The following IL1R1 variants were observed in gnomAD, a reference collection of about 807,000 sequenced individuals.
IL1R1 encodes the protein interleukin 1 receptor type 1.
Under a neutral mutation model 50.2 loss-of-function variants are expected in IL1R1, and 22 were observed. That is an observed-to-expected ratio of 0.44 (90% confidence interval 0.31 to 0.63). The LOEUF (loss-of-function observed/expected upper bound fraction) is 0.63. IL1R1 is among the 20% of genes least tolerant of loss of function. The probability of loss-of-function intolerance (pLI) is 0.07; values close to 1 mark genes in which losing one functional copy is unlikely to be tolerated. For missense variants in IL1R1, 509 were observed against 676.2 expected, an observed-to-expected ratio of 0.75 and a Z score of 2.74; for synonymous variants, 251 against 236.7, an observed-to-expected ratio of 1.06 and a Z score of -0.55.
intron 1 of IL1R1, among the ~76,000 whole-genome samples, chr2:102,122,266 A>G (rs1317076304): frequency 6.6e-6 from 1 of 152,210 alleles, no homozygotes; most frequent in East Asian, 1.9e-4. Flanking sequence ...ATAAGGCAGA[A>G]TTGCATTCCA....
intron 2 of IL1R1, among the ~76,000 whole-genome samples, chr2:102,156,842 G>A (rs1445313783): frequency 6.6e-6 from 1 of 152,124 alleles, no homozygotes; most frequent in Non-Finnish European, 1.5e-5. Flanking sequence ...ACATTTTCCA[G>A]CTAATATTTA....
At chr2:102,138,037 A>G (rs1031825192), upstream of IL1R1, among the ~76,000 whole-genome samples, 1 of 152,170 alleles carries the variant, frequency 6.6e-6, no homozygotes, top group Admixed American at 6.5e-5. Context: ...AAGTTTAAAA[A>G]GGGTTGTATT....
intron 1 of IL1R1, among the ~76,000 whole-genome samples, chr2:102,110,946 G>A (rs895612007): frequency 1.3e-5 from 2 of 152,134 alleles, no homozygotes; most frequent in African/African-American, 4.8e-5. Flanking sequence ...GATTGGGACG[G>A]CTCGAGGTGG....
chr2:102,142,372 A>G (rs550134523), upstream of IL1R1: 1 of 152,214 alleles, frequency 6.6e-6, no homozygotes, highest in Admixed American at 6.5e-5. Flanking sequence ...TTGCTTCGGG[A>G]TCTGATGCCC....
At chr2:102,163,810 G>C (rs1034167884) in intron 3 of IL1R1, among the ~76,000 whole-genome samples, 2 of 152,044 alleles carry the variant, frequency 1.3e-5, no homozygotes, top group Non-Finnish European at 2.9e-5. Context: ...TTGGGTGCTG[G>C]ATATTTTCGT....
At chr2:102,142,484 G>T (rs549120913), upstream of IL1R1, 3 of 152,170 alleles carry the variant, frequency 2.0e-5, no homozygotes, top group Non-Finnish European at 4.4e-5. Flanking sequence ...CTCTAGTGGA[G>T]CCGCCGCAGC....
At chr2:102,086,713 T>C (rs1248422890) in intron 1 of IL1R1, among the ~76,000 whole-genome samples, 1 of 152,228 alleles carries the variant, frequency 6.6e-6, no homozygotes, top group Non-Finnish European at 1.5e-5. Context: ...TTCTCGTTAC[T>C]GTTCTTTCCA....
intron 1 of IL1R1, among the ~76,000 whole-genome samples, chr2:102,095,434 A>T (rs1221286531): frequency 6.6e-6 from 1 of 152,244 alleles, no homozygotes; most frequent in Non-Finnish European, 1.5e-5. Context: ...GACATTGATT[A>T]CTTAAAAATT....
chr2:102,154,833 C>G (rs3917335), intron 2 of IL1R1, among the ~76,000 whole-genome samples: 1 of 152,236 alleles, frequency 6.6e-6, no homozygotes, highest in Non-Finnish European at 1.5e-5. Flanking sequence ...GTTGTGGGAA[C>G]TTATGGCTTC....
At chr2:102,089,442 C>T (rs1679565011) in intron 1 of IL1R1, among the ~76,000 whole-genome samples, 1 of 152,096 alleles carries the variant, frequency 6.6e-6, no homozygotes. Context: ...TCAGATATTG[C>T]TGATTGCAGA....
At position 102,130,095 on chromosome 2, in the gene IL1R1, G is replaced by C. The variant is rs555362751; in HGVS notation, c.-83-23846G>C. On this transcript the variant is annotated intron_variant, in intron 1 of 10. Coordinates refer to the IL1R1 transcript ENST00000409329. ...TTAATGCATTGCTCAACAGAATACA[G>C]ATAAGTTCTCATATCTGCTTCTGCA... is the stretch of plus-strand genomic sequence containing the variant. 2.6e-5 allele frequency among the ~76,000 whole-genome samples: 4 copies of C among 152,266 alleles called. No homozygotes were observed. The South Asian group carries it at 8.3e-4, about 32-fold the overall frequency.
chr2:102,164,811 G>T lies in IL1R1; in HGVS notation c.99G>T (p.Val33=), dbSNP rs1239374595. 1 of 1,613,722 alleles carries T rather than the reference G, an allele frequency of 6.2e-7. No individual in the cohort carries two copies. Among genetic ancestry groups the T allele is most frequent in the African/African-American group, 1.3e-5 (1 of 74,880 alleles). The part of the protein sequence containing the change: ...CKEREEKIIL[V]SSANEIDVRP... Reference sequence around the variant, plus strand: ...AACGTGAAGAAAAAATAATTTTAGTGTCATCTGCAAATGAAATTGATGTTC... The same window carrying T: ...AACGTGAAGAAAAAATAATTTTAGTTTCATCTGCAAATGAAATTGATGTTC... Residue 33 remains valine (V), a synonymous_variant, in exon 4 of 12, where the codon GTG becomes GTT. Transcript: ENST00000410023.
At position 102,073,932 on chromosome 2, in the gene IL1R1, T is replaced by C. The variant is rs915535164; in HGVS notation, c.-84+3399T>C. Among the ~76,000 whole-genome samples, 11 of 152,226 alleles carry C rather than the reference T, an allele frequency of 7.2e-5. No homozygotes were observed. In the East Asian group the frequency reaches 1.5e-3, roughly 21 times the overall value. On this transcript the variant is annotated intron_variant, in intron 1 of 11. Transcript: ENST00000409929. ...ATGCCCCTCTTTTATGATGAGAGGA[T>C]GGAGGAGCAAACAGGTCGAGGGACT...
At chr2:102,158,668 G>T (rs767724842) in intron 3 of IL1R1, among the ~76,000 whole-genome samples, 1 of 152,184 alleles carries the variant, frequency 6.6e-6, no homozygotes, top group Non-Finnish European at 1.5e-5. Context: ...TCTGGGTAAT[G>T]GGGGGATGGC....
chr2:102,087,651 T>A (rs546106036), intron 1 of IL1R1, among the ~76,000 whole-genome samples: 3 of 152,236 alleles, frequency 2.0e-5, no homozygotes, highest in South Asian at 4.2e-4. Flanking sequence ...GTGTGGCATG[T>A]TCCCCCTTGC....
At chr2:102,115,049 C>T (rs1213412543) in intron 1 of IL1R1, among the ~76,000 whole-genome samples, 2 of 152,172 alleles carry the variant, frequency 1.3e-5, no homozygotes, top group African/African-American at 2.4e-5. Context: ...CAGTAGTTGT[C>T]AACCCTGGCT....
chr2:102,092,802 G>C (rs7559308), intron 1 of IL1R1, among the ~76,000 whole-genome samples: 1,904 of 152,242 alleles, frequency 0.013, 36 homozygotes, highest in African/African-American at 0.044. Context: ...CGTGTCCAAA[G>C]GAAGATGCTT....
chr2:102,116,074 A>C (rs1681054282), intron 1 of IL1R1, among the ~76,000 whole-genome samples: 1 of 152,208 alleles, frequency 6.6e-6, no homozygotes, highest in Non-Finnish European at 1.5e-5. Flanking sequence ...TGTGTGGCCC[A>C]TGTAGGTTGC....
intron 7 of IL1R1, 145 bp downstream of exon 7, chr2:102,168,808 T>A: frequency 1.6e-6 from 1 of 608,308 alleles, no homozygotes. Flanking sequence ...ACAAATTATA[T>A]CTTAATTTTT....
Sources: allele counts gnomAD v4.1 joint callset (sites outside exome capture counted in the v4.1 genomes callset), GRCh38; gene constraint gnomAD v4.1.1; transcripts MANE v1.5; gene names NCBI Gene and HGNC (gene_info 2026-07-23, HGNC 2026-07-21).